TMEM67: variants seen among roughly 807,000 people sequenced by gnomAD.
TMEM67 encodes meckelin.
TMEM67 carries 124 observed loss-of-function variants against 136.6 expected under a neutral mutation model. The ratio of observed to expected loss-of-function variants is 0.91; its 90% CI spans 0.78 to 1.05. The LOEUF (loss-of-function observed/expected upper bound fraction) is 1.05. Among genes scored for constraint, TMEM67 ranks in the 50% least tolerant of loss-of-function variants. The pLI is 0.00. For missense variants in TMEM67, 1,107 were observed against 1,178.4 expected, an observed-to-expected ratio of 0.94 and a Z score of 0.89; for synonymous variants, 364 against 390.5, an observed-to-expected ratio of 0.93 and a Z score of 0.80.
At chr8:93,818,448 A>G (rs954910448), downstream of TMEM67, among the ~76,000 whole-genome samples, 2 of 152,232 alleles carry the variant, frequency 1.3e-5, no homozygotes, top group Non-Finnish European at 2.9e-5. Flanking sequence ...TGCTGTCCTA[A>G]CTGCCTTTTC....
Position 93,791,303 on chromosome 8 carries a change from C to G in TMEM67, c.1559C>G (p.Ala520Gly). ...ACATATGAAATGGATCATGGAGAAG[C>G]ACATGTCCAGACAGATGTAAGTTTA... ...SVTYEMDHGEAHVQTDIALGV... is the reference protein window; with the variant it reads ...SVTYEMDHGEGHVQTDIALGV... The change falls in exon 15 of 28, where the codon GCA (alanine) becomes GGA (glycine). Residue 520 changes from alanine (A) to glycine (G), a missense_variant. Ala to Gly is a moderately conservative substitution (Grantham distance 60, BLOSUM62 0). Transcript: ENST00000453321. The G allele has an allele frequency of 6.2e-7, 1 of 1,603,564 alleles. No individual in the cohort carries two copies. Among genetic ancestry groups the G allele is most frequent in the South Asian group, 1.1e-5 (1 of 90,662 alleles).
chr8:93,813,390 G>A (rs1011804394), intron 26 of TMEM67, among the ~76,000 whole-genome samples: 1 of 152,052 alleles, frequency 6.6e-6, no homozygotes, highest in Non-Finnish European at 1.5e-5. Context: ...TATTGGCCAG[G>A]CTGGCCTCGA....
rs1450784678 is a variant in TMEM67 at position 93,809,867 on chromosome 8, A to G, written c.2744A>G (p.Glu915Gly). The change falls in exon 26 of 28, where the codon GAA becomes GGA. Residue 915 changes from glutamate (E) to glycine (G), a missense_variant. By Grantham distance (98) the Glu-to-Gly change is moderately conservative. This residue lies in a region of TMEM67 where 925 missense variants were observed against 1,002.4 expected (regional missense o/e 0.92). Transcript: ENST00000453321. ...GGAATGGAATTCATGGAACCAATGG[A>G]AAAAAGCATCTTTTACAATGGTATC... The part of the protein sequence containing the change: ...ILGMEFMEPM[E>G]KSIFYNDEGY... The G allele has an allele frequency of 4.4e-6, 7 of 1,605,336 alleles. No homozygotes were observed. The highest frequency in any genetic ancestry group is 5.1e-6 in the Non-Finnish European group (6 of 1,172,480).
At chr8:93,785,929 G>T in intron 12 of TMEM67, 1 of 367,222 alleles carries the variant, frequency 2.7e-6, no homozygotes, top group Non-Finnish European at 5.1e-6. Flanking sequence ...ATTTAGCTTG[G>T]TGTGATGGTG....
intron 7 of TMEM67, among the ~76,000 whole-genome samples, chr8:93,774,399 A>G (rs1813449007): frequency 6.6e-6 from 1 of 152,148 alleles, no homozygotes; most frequent in African/African-American, 2.4e-5. Context: ...TCTAGGGTAC[A>G]TGTGCACAAC....
At chr8:93,785,144 A>G (rs1586049107) in intron 11 of TMEM67, 78 bp from the exon 12 acceptor site, 1 of 905,644 alleles carries the variant, frequency 1.1e-6, no homozygotes, top group Non-Finnish European at 1.8e-6. Context: ...TTCAATTGTG[A>G]TCTTTTATTT....
downstream of TMEM67, chr8:93,819,218 A>G (rs146314974): frequency 2.1e-3 from 936 of 435,564 alleles, 1 homozygote; most frequent in African/African-American, 0.017. Flanking sequence ...TAATAAATTA[A>G]TAATATGATA....
At position 93,759,902 on chromosome 8, in the gene TMEM67, G is replaced by A. The variant is rs1169737325; in HGVS notation, c.406+1326G>A. On this transcript the variant is annotated intron_variant, in intron 3 of 27. Transcript: ENST00000453321. ...GACCTCAGGTGATCTGCCTGCCTCA[G>A]CCTCCCAAAGTGCTGGGATACAGGC... is the stretch of plus-strand genomic sequence containing the variant. 12 of 1,367,514 alleles carry A rather than the reference G, an allele frequency of 8.8e-6. No homozygotes were observed. The East Asian group carries it at 2.8e-4, about 32-fold the overall frequency. 84.7% of individuals were successfully genotyped at this position (1,367,514 alleles called of 1,614,324 possible). A position where few individuals can be genotyped will look rare whatever the true frequency, so the allele number is the denominator to read the frequency against.
intron 14 of TMEM67, 109 bp downstream of exon 14, chr8:93,788,058 T>TTTTGGTC: frequency 1.3e-6 from 1 of 795,278 alleles, no homozygotes. Flanking sequence ...AAGTTCTAAA[T>TTTTGGTC]AAACCTTTCT....
At position 93,780,576 on chromosome 8, in the gene TMEM67, C is replaced by T; in HGVS notation, c.715-17C>T. The T allele has an allele frequency of 6.2e-7, 1 of 1,613,900 alleles. No homozygotes were observed. The highest frequency in any genetic ancestry group is 8.5e-7 in the Non-Finnish European group (1 of 1,179,944). On this transcript the variant is annotated splice_polypyrimidine_tract_variant and intron_variant, in intron 7 of 27. Coordinates refer to ENST00000453321, the MANE Select transcript of TMEM67 (RefSeq NM_153704.6). ...TTCAGGTTCATGTTACTTTTCTTTG[C>T]CATTGTTCTGTTGTAGGTATATGCC...
At chr8:93,781,060 G>T (rs1410633403) in intron 9 of TMEM67, 78 bp downstream of exon 9, 1 of 999,292 alleles carries the variant, frequency 1.0e-6, no homozygotes, top group East Asian at 2.5e-5. Context: ...TACAATTCTT[G>T]CCTTTTTAGG....
intron 23 of TMEM67, among the ~76,000 whole-genome samples, chr8:93,808,129 A>G (rs1016565039): frequency 6.6e-6 from 1 of 151,058 alleles, no homozygotes; most frequent in Non-Finnish European, 1.5e-5. Context: ...AAAGGAAGCT[A>G]AGAATATCAA....
intron 13 of TMEM67, 48 bp downstream of exon 13, chr8:93,786,394 A>T (rs765009586): frequency 1.9e-6 from 3 of 1,598,846 alleles, no homozygotes; most frequent in Non-Finnish European, 2.6e-6. Flanking sequence ...ATCATAATGG[A>T]AGTGTTTGCC....
intron 11 of TMEM67, 58 bp downstream of exon 11, chr8:93,782,518 GC>G: frequency 7.6e-7 from 1 of 1,321,660 alleles, no homozygotes; most frequent in East Asian, 2.4e-5. Context: ...TATCATGTCA[GC>G]AGTAATTGGA....
chr8:93,823,104 A>G (rs2130812362), downstream of TMEM67, among the ~76,000 whole-genome samples: 1 of 152,316 alleles, frequency 6.6e-6, no homozygotes, highest in African/African-American at 2.4e-5. Context: ...TTCTGTAACA[A>G]ATTACCAAAA....
chr8:93,793,090 C>T (rs1313934505), intron 15 of TMEM67, 108 bp from the exon 16 acceptor site: 1 of 1,020,002 alleles, frequency 9.8e-7, no homozygotes, highest in African/African-American at 1.6e-5. Flanking sequence ...GTCCTTTCAA[C>T]ATTTCCCACC....
chr8:93,819,744 T>C (rs188546081), downstream of TMEM67, among the ~76,000 whole-genome samples: 60 of 152,142 alleles, frequency 3.9e-4, no homozygotes, highest in African/African-American at 1.3e-3. Flanking sequence ...CACATGGCAG[T>C]TTGGGGCACT....
chr8:93,783,937 A>G (rs1813975265), intron 11 of TMEM67, among the ~76,000 whole-genome samples: 1 of 152,212 alleles, frequency 6.6e-6, no homozygotes, highest in African/African-American at 2.4e-5. Context: ...CTACAGTTCA[A>G]GATGAGATTT....
chr8:93,813,905 T>G (rs1218081218), intron 26 of TMEM67, among the ~76,000 whole-genome samples: 2 of 152,184 alleles, frequency 1.3e-5, no homozygotes, highest in Non-Finnish European at 2.9e-5. Flanking sequence ...AGATTATATA[T>G]GCAAGTGTAA....
Sources: gnomAD v4.1 joint callset for allele counts (sites outside exome capture counted in the v4.1 genomes callset) on GRCh38, gnomAD v4.1.1 for gene constraint, gnomAD v4.1.1 regional missense constraint, MANE v1.5 for transcripts, NCBI Gene and HGNC (gene_info 2026-07-23, HGNC 2026-07-21) for gene names.